Variants in MFN2 observed in about 807,000 individuals in gnomAD.
The protein encoded by MFN2 is mitofusin-2.
A neutral mutation model predicts 87.5 loss-of-function variants in MFN2; 43 were observed. That is an observed-to-expected ratio of 0.49 (90% confidence interval 0.38 to 0.63). The LOEUF is 0.63. Among genes scored for constraint, MFN2 ranks in the 30% least tolerant of loss-of-function variants. MFN2 has a pLI of 0.00. For synonymous variants in MFN2, 337 were observed against 359.9 expected (o/e 0.94, Z 0.72); for missense variants, 743 against 972.8 (o/e 0.76, Z 3.14).
intron 2 of MFN2, among the ~76,000 whole-genome samples, chr1:11,983,455 C>T (rs775512046): frequency 5.3e-5 from 8 of 152,196 alleles, no homozygotes; most frequent in African/African-American, 1.2e-4. Flanking sequence ...CTGTGGACCA[C>T]GCTTTGGGAA....
chr1:11,980,621 G>A (rs528526732), intron 1 of MFN2, 137 bp downstream of exon 1: 434 of 396,252 alleles, frequency 1.1e-3, no homozygotes, highest in African/African-American at 8.5e-3. Flanking sequence ...CCCACTCTCC[G>A]GCCTCGCCGC....
chr1:11,997,251 C>T (rs779082410), intron 5 of MFN2, 46 bp from the exon 6 acceptor site: 8 of 1,612,680 alleles, frequency 5.0e-6, no homozygotes, highest in Non-Finnish European at 4.2e-6. Context: ...ATCTCCTGGC[C>T]TGGTGGTTCC....
intron 6 of MFN2, 49 bp downstream of exon 6, chr1:11,997,470 T>G (rs751556855): frequency 3.1e-6 from 5 of 1,611,860 alleles, no homozygotes; most frequent in Admixed American, 3.3e-5. Context: ...AGGCACCAGG[T>G]TTCCATTTCT....
Position 12,001,772 on chromosome 1 carries a change from G to T in MFN2, c.974G>T (p.Gly325Val), listed in dbSNP as rs1386579410. 1 of 1,614,174 alleles carries T rather than the reference G, an allele frequency of 6.2e-7. No individual in the cohort carries two copies. The highest frequency in any genetic ancestry group is 1.7e-5 in the Admixed American group (1 of 60,024). The part of the protein sequence containing the change: ...QKAQGMPEGG[G>V]ALAEGFQVRM... ...TAATGCAGTACAATCCTCCTAGGGG[G>T]CGCTCTCGCAGAAGGCTTTCAAGTG... Residue 325 changes from glycine to valine, a missense_variant, in exon 10 of 19, where the codon GGC becomes GTC. Physicochemically the swap from Gly to Val is moderately radical, Grantham distance 109. Around this residue, in one of 3 missense-constraint regions of MFN2, gnomAD observed 571 missense variants for 670.7 expected, o/e 0.85. Coordinates refer to ENST00000235329, the MANE Select transcript of MFN2 (RefSeq NM_014874.4).
At chr1:11,997,556 C>A (rs776286511) in intron 6 of MFN2, 135 bp downstream of exon 6, 4 of 1,232,632 alleles carry the variant, frequency 3.2e-6, no homozygotes, top group African/African-American at 3.0e-5. Context: ...TGGGCTCAAC[C>A]AAATCCTCTG....
Position 12,004,810 on chromosome 1 carries a change from C to T in MFN2, c.1393-15C>T. 1 of 1,612,234 alleles carries T rather than the reference C, an allele frequency of 6.2e-7. No individual in the cohort carries two copies. Among genetic ancestry groups the T allele is most frequent in the Non-Finnish European group, 8.5e-7 (1 of 1,178,556 alleles). On this transcript the variant is annotated splice_polypyrimidine_tract_variant and intron_variant, in intron 13 of 18. Transcript: ENST00000235329. The surrounding 1 kb of genome is among the most constrained non-coding windows in gnomAD (Gnocchi z 4.2). ...GATGGACATGCTTCTCTTAACTTCC[C>T]TCTTCTGGTGGCAGGAGCTGCACCG... is the stretch of plus-strand genomic sequence containing the variant.
rs755118636 is a variant in MFN2 at position 11,999,131 on chromosome 1, C to A, written c.816+36C>A. ...CTGTTTGGCAGTTTGGGGAATGCAACCCCGAGGGAGCACTGCCTGCCACTG... is the reference window on the plus strand; with the variant it reads ...CTGTTTGGCAGTTTGGGGAATGCAAACCCGAGGGAGCACTGCCTGCCACTG... On this transcript the variant is annotated intron_variant, in intron 8 of 18. Coordinates refer to ENST00000235329, the MANE Select transcript of MFN2 (RefSeq NM_014874.4). The A allele has an allele frequency of 3.2e-6, 5 of 1,574,674 alleles. No homozygotes were observed. In the South Asian group the frequency reaches 4.4e-5, roughly 14 times the overall value.
At chr1:11,988,223 T>TC (rs1195865441) in intron 2 of MFN2, among the ~76,000 whole-genome samples, 2 of 151,824 alleles carry the variant, frequency 1.3e-5, no homozygotes, top group Non-Finnish European at 1.5e-5. Flanking sequence ...TGCCTCAGCC[T>TC]CCCAAGTAGC....
chr1:11,995,424 G>A (rs1173441056), intron 4 of MFN2, among the ~76,000 whole-genome samples: 1 of 152,152 alleles, frequency 6.6e-6, no homozygotes, highest in Non-Finnish European at 1.5e-5. Flanking sequence ...CCTGAGGTCA[G>A]GAGTTCGCGA....
intron 9 of MFN2, 56 bp downstream of exon 9, chr1:12,001,610 G>C: frequency 6.2e-7 from 1 of 1,610,828 alleles, no homozygotes; most frequent in Middle Eastern, 1.7e-4. Context: ...ATTTTGTCTC[G>C]TGCTGAGGAG....
intron 18 of MFN2, among the ~76,000 whole-genome samples, chr1:12,011,170 G>A (rs1410158636): frequency 6.6e-6 from 1 of 152,194 alleles, no homozygotes; most frequent in Admixed American, 6.5e-5. Flanking sequence ...TCTCCTGTCA[G>A]CACCTCAACC....
chr1:12,011,402 G>A, intron 18 of MFN2, 94 bp from the exon 19 acceptor site: 1 of 1,210,206 alleles, frequency 8.3e-7, no homozygotes, highest in Middle Eastern at 1.9e-4. Flanking sequence ...ATGTAAGGGT[G>A]TGTGTCAAGC....
In MFN2 at chr1:12,013,175, T is replaced by C. The variant is rs906127403; in HGVS notation, c.*1610T>C. 2.9e-6 allele frequency: 1 copy of C among 350,812 alleles called. No homozygotes were observed. Among genetic ancestry groups the C allele is most frequent in the Non-Finnish European group, 5.6e-6 (1 of 178,158 alleles). 21.7% of individuals were successfully genotyped at this position (350,812 alleles called of 1,614,324 possible). ...GAAAATCACTGTCACACAATTCCAA[T>C]GGATTTTGTGCTCTTTTTGAAAAAA... On this transcript the variant is annotated 3_prime_UTR_variant, in exon 19 of 19. Coordinates refer to ENST00000235329, the MANE Select transcript of MFN2 (RefSeq NM_014874.4).
At chr1:11,995,110 C>T (rs1188650163) in intron 4 of MFN2, among the ~76,000 whole-genome samples, 1 of 151,998 alleles carries the variant, frequency 6.6e-6, no homozygotes, top group Non-Finnish European at 1.5e-5. Context: ...GGCGTGGTCG[C>T]AGCTATAGTC....
intron 18 of MFN2, among the ~76,000 whole-genome samples, chr1:12,010,132 C>T (rs769677767): frequency 1.6e-4 from 25 of 151,816 alleles, no homozygotes; most frequent in African/African-American, 4.6e-4. Context: ...CCAGCCTGGG[C>T]GACAAGAGCA....
rs779401482 is a variant in MFN2 at position 12,006,657 on chromosome 1, C to G, written c.1836C>G (p.Ser612=). Residue 612 remains serine, a synonymous_variant, in exon 16 of 19, where the codon TCC becomes TCG. Coordinates refer to ENST00000235329, the MANE Select transcript of MFN2 (RefSeq NM_014874.4). ...SMVTGLASLT[S]RTSMGILVVG... ...TTACCGGCCTGGCCTCCTTGACATC[C>G]AGGACCTCCATGGGCATTCTTGTTG... 2.5e-6 allele frequency: 4 copies of G among 1,614,182 alleles called. No homozygotes were observed. Among genetic ancestry groups the G allele is most frequent in the Non-Finnish European group, 3.4e-6 (4 of 1,180,032 alleles).
At chr1:11,989,054 T>C in intron 2 of MFN2, 111 bp from the exon 3 acceptor site, 1 of 1,217,078 alleles carries the variant, frequency 8.2e-7, no homozygotes, top group Non-Finnish European at 1.2e-6. Flanking sequence ...GAGGTTGCAG[T>C]GACCTGAGAT....
intron 4 of MFN2, among the ~76,000 whole-genome samples, chr1:11,995,494 A>G (rs1002898840): frequency 3.3e-5 from 5 of 151,254 alleles, no homozygotes; most frequent in Non-Finnish European, 7.4e-5. Flanking sequence ...TTAGCCGGGC[A>G]TGGTGGCACA....
At position 12,009,739 on chromosome 1, in the gene MFN2, C is replaced by T. The variant is rs200441797; in HGVS notation, c.2204+13C>T. ...CAAAGCTGCTCAGGTGAGGCTGGCCCGTGTGGCCAAAGGTTAGGGCTCCAG... is the reference window on the plus strand; with the variant it reads ...CAAAGCTGCTCAGGTGAGGCTGGCCTGTGTGGCCAAAGGTTAGGGCTCCAG... On this transcript the variant is annotated intron_variant, in intron 18 of 18. Transcript: ENST00000235329. 1.3e-5 allele frequency: 21 copies of T among 1,614,116 alleles called. No individual in the cohort carries two copies. Among genetic ancestry groups the T allele is most frequent in the African/African-American group, 5.3e-5 (4 of 75,058 alleles).
Sources: allele counts gnomAD v4.1 joint callset (sites outside exome capture counted in the v4.1 genomes callset), GRCh38; gene constraint gnomAD v4.1.1; regional missense constraint gnomAD v4.1.1; non-coding constraint Gnocchi (gnomAD v3.1); transcripts MANE v1.5; gene names NCBI Gene and HGNC (gene_info 2026-07-23, HGNC 2026-07-21).